LRGUK: variants seen among roughly 807,000 people sequenced by gnomAD.
LRGUK encodes leucine rich repeats and guanylate kinase domain containing.
In LRGUK, 65 loss-of-function variants were observed where a neutral mutation model predicts 76.0. The ratio of observed to expected loss-of-function variants is 0.85; its 90% CI spans 0.70 to 1.05. The LOEUF is 1.05. Among genes scored for constraint, LRGUK ranks in the 50% least tolerant of loss-of-function variants. LRGUK has a pLI of 0.00. For synonymous variants in LRGUK, 268 were observed against 265.6 expected, an observed-to-expected ratio of 1.01 and a Z score of -0.09; for missense variants, 758 against 732.8, an observed-to-expected ratio of 1.03 and a Z score of -0.40.
At chr7:134,273,810 T>C in the LRGUK span, among the ~76,000 whole-genome samples, 1 of 152,174 alleles carries the variant, frequency 6.6e-6, no homozygotes, top group Non-Finnish European at 1.5e-5. Flanking sequence ...TGTTGGCTCA[T>C]GTCTTTGTTA....
At position 134,174,482 on chromosome 7, in the gene LRGUK, G is replaced by T. The variant is rs185785010; in HGVS notation, c.940-74G>T. ...AGTTGAATTTAAAGGACCCAAACTG[G>T]CTTCTATTGTATTATGTTTTCTATT... On this transcript the variant is annotated intron_variant, in intron 7 of 15. Transcript: ENST00000645682. 9 of 900,974 alleles carry T rather than the reference G, an allele frequency of 1.0e-5. No individual in the cohort carries two copies. In the Admixed American group the frequency reaches 1.9e-4, roughly 19 times the overall value. 55.8% of individuals were successfully genotyped at this position (900,974 alleles called of 1,614,324 possible).
At chr7:134,188,225 A>G (rs969543122) in intron 11 of LRGUK, among the ~76,000 whole-genome samples, 8 of 152,144 alleles carry the variant, frequency 5.3e-5, no homozygotes, top group African/African-American at 1.9e-4. Context: ...TGAGGGAGGT[A>G]AAGAGCCTCT....
the LRGUK span, among the ~76,000 whole-genome samples, chr7:134,269,768 G>A: frequency 1.3e-5 from 2 of 152,190 alleles, no homozygotes; most frequent in African/African-American, 4.8e-5. Context: ...CTGTGACCAA[G>A]TGGGATTTAA....
In LRGUK at chr7:134,255,826, G is replaced by T. The variant is rs373852134; in HGVS notation, c.2199-2431G>T. ...ATCTTTCCGTGTGTGCATGGGGGAT[G>T]AGGGGATCTTTTTGCTTGGTCTCAG... On this transcript the variant is annotated intron_variant, in intron 18 of 19. Coordinates refer to the LRGUK transcript ENST00000285928. Among the ~76,000 whole-genome samples, 5 of 152,194 alleles carry T rather than the reference G, an allele frequency of 3.3e-5. No individual in the cohort carries two copies. In the East Asian group the frequency reaches 7.7e-4, roughly 24 times the overall value.
rs375417475 is a variant in LRGUK at position 134,183,079 on chromosome 7, C to A, written c.1215-655C>A. On this transcript the variant is annotated intron_variant, in intron 10 of 15. Coordinates refer to ENST00000645682, the Ensembl canonical transcript of LRGUK. ...CTGCGGGAGATTTTATTAATCAATT[C>A]ATTCTTTAGTCCAGTCTTCAGGCTT... is the stretch of plus-strand genomic sequence containing the variant. 9.2e-5 allele frequency among the ~76,000 whole-genome samples: 14 copies of A among 152,318 alleles called. No homozygotes were observed. In the East Asian group the frequency reaches 2.5e-3, roughly 27 times the overall value.
At chr7:134,194,400 AGT>A (rs969874969) in intron 12 of LRGUK, among the ~76,000 whole-genome samples, 2 of 152,104 alleles carry the variant, frequency 1.3e-5, no homozygotes. Context: ...CGAGTCACAG[AGT>A]GTTAGTCAGG....
intron 6 of LRGUK, among the ~76,000 whole-genome samples, chr7:134,159,350 A>C (rs147262920): frequency 6.8e-6 from 1 of 147,722 alleles, no homozygotes; most frequent in Admixed American, 6.8e-5. Flanking sequence ...AAAAAAAAAA[A>C]AAAAGGAAAG....
At chr7:134,231,326 C>T (rs1345874688) in intron 16 of LRGUK, among the ~76,000 whole-genome samples, 1 of 152,134 alleles carries the variant, frequency 6.6e-6, no homozygotes, top group Non-Finnish European at 1.5e-5. Context: ...AGATGAGTTC[C>T]TTCTGTCATT....
chr7:134,165,610 C>T (rs1798945902), intron 7 of LRGUK, among the ~76,000 whole-genome samples: 1 of 152,194 alleles, frequency 6.6e-6, no homozygotes. Context: ...AAAATGTTGT[C>T]ATTTCAACAT....
intron 2 of LRGUK, among the ~76,000 whole-genome samples, chr7:134,138,975 G>A (rs1011086958): frequency 6.7e-6 from 1 of 149,234 alleles, no homozygotes; most frequent in Non-Finnish European, 1.5e-5. Context: ...TTGTGAAAGA[G>A]CTTTGAAAAT....
intron 8 of LRGUK, 131 bp from the exon 9 acceptor site, chr7:134,176,844 TAG>T (rs1307551787): frequency 1.7e-6 from 1 of 577,628 alleles, no homozygotes; most frequent in East Asian, 2.9e-5. Flanking sequence ...GTGAAATGCA[TAG>T]TCCTGTGAGG....
At chr7:134,265,778 T>C (rs1802843693), downstream of LRGUK, among the ~76,000 whole-genome samples, 2 of 152,116 alleles carry the variant, frequency 1.3e-5, no homozygotes, top group Non-Finnish European at 2.9e-5. Context: ...ACAATGTCAT[T>C]GAAAGCCACT....
At chr7:134,178,693 G>C in intron 10 of LRGUK, 84 bp downstream of exon 10, 18 of 1,012,518 alleles carry the variant, frequency 1.8e-5, no homozygotes, top group Non-Finnish European at 2.6e-5. Flanking sequence ...CCTATTTTGT[G>C]ACCCCTTTAT....
intron 4 of LRGUK, 108 bp from the exon 5 acceptor site, chr7:134,148,130 A>C (rs1798057387): frequency 2.9e-6 from 2 of 684,102 alleles, no homozygotes; most frequent in Middle Eastern, 3.6e-4. Context: ...TTCAGTAATG[A>C]ATTCTAACTC....
chr7:134,228,370 G>T (rs1236777673), intron 16 of LRGUK, among the ~76,000 whole-genome samples: 1 of 152,250 alleles, frequency 6.6e-6, no homozygotes, highest in South Asian at 2.1e-4. Context: ...GAATGAAAAT[G>T]ATTTCAGATA....
chr7:134,262,957 C>G (rs1350860724), intron 19 of LRGUK, among the ~76,000 whole-genome samples: 6 of 112,450 alleles, frequency 5.3e-5, no homozygotes, highest in African/African-American at 2.2e-4. Context: ...GGTGACAGAG[C>G]GAGACCTGGT....
At chr7:134,244,458 C>T (rs1802242114) in intron 16 of LRGUK, among the ~76,000 whole-genome samples, 1 of 152,168 alleles carries the variant, frequency 6.6e-6, no homozygotes, top group African/African-American at 2.4e-5. Context: ...AAAACATGCT[C>T]ATCATTACTG....
At position 134,263,916 on chromosome 7, in the gene LRGUK, A is replaced by C; in HGVS notation, c.2419A>C (p.Ser807Arg). The C allele has an allele frequency of 1.9e-6, 3 of 1,612,978 alleles. No homozygotes were observed. In the South Asian group the frequency reaches 3.3e-5, roughly 18 times the overall value. Residue 807 changes from serine to arginine, a missense_variant, in exon 20 of 20, where the codon AGT becomes CGT. Ser to Arg is a moderately radical substitution (Grantham distance 110). Transcript: ENST00000285928. The stretch of plus-strand genomic sequence containing the variant: ...CAGACAACACTCGGTCCCAGTCATC[A>C]GTCGCCCAGGTTCCAACGTCAAACC...
intron 4 of LRGUK, 86 bp from the exon 5 acceptor site, chr7:134,148,152 A>C (rs905770062): frequency 1.2e-6 from 1 of 824,004 alleles, no homozygotes; most frequent in Non-Finnish European, 2.0e-6. Context: ...ACATTCAAAA[A>C]TACCTTCTTC....
Sources: allele counts gnomAD v4.1 joint callset (sites outside exome capture counted in the v4.1 genomes callset), GRCh38; gene constraint gnomAD v4.1.1; transcripts MANE v1.5; gene names NCBI Gene and HGNC (gene_info 2026-07-23, HGNC 2026-07-21).